The following SRGAP1 variants were observed in gnomAD, a reference collection of about 807,000 sequenced individuals.
The protein encoded by SRGAP1 is SLIT-ROBO Rho GTPase activating protein 1.
SRGAP1 carries 43 observed loss-of-function variants against 121.9 expected under a neutral mutation model. The observed-to-expected ratio is 0.35, with a 90% CI of 0.28 to 0.46. SRGAP1 has a LOEUF of 0.46. Ranked by LOEUF, SRGAP1 falls within the 20% of genes least tolerant of loss-of-function variation. The pLI, the probability that SRGAP1 is intolerant of heterozygous loss-of-function variation, is 1.00. For synonymous variants in SRGAP1, 447 were observed against 485.4 expected, an observed-to-expected ratio of 0.92 and a Z score of 1.04; for missense variants, 1,102 against 1,350.9, an observed-to-expected ratio of 0.82 and a Z score of 2.89.
intron 15 of SRGAP1, among the ~76,000 whole-genome samples, chr12:64,100,978 T>C (rs1212777751): frequency 6.6e-6 from 1 of 152,196 alleles, no homozygotes; most frequent in African/African-American, 2.4e-5. Flanking sequence ...TGTCTAGGGA[T>C]TCAGAGACTT....
At chr12:64,053,116 T>C (rs2035269936) in intron 6 of SRGAP1, among the ~76,000 whole-genome samples, 1 of 152,202 alleles carries the variant, frequency 6.6e-6, no homozygotes, top group Admixed American at 6.6e-5. Context: ...AGAGGAGTAT[T>C]AGAGAGCACC....
chr12:63,873,401 C>G (rs1027005680), intron 1 of SRGAP1, among the ~76,000 whole-genome samples: 3 of 151,634 alleles, frequency 2.0e-5, no homozygotes, highest in South Asian at 4.2e-4. Flanking sequence ...AGTATGGTGG[C>G]GCATGCCTGT....
Position 63,844,843 on chromosome 12 carries a change from G to A in SRGAP1, c.27G>A (p.Lys9=), listed in dbSNP as rs1377587140. 6.2e-7 allele frequency: 1 copy of A among 1,614,196 alleles called. No individual in the cohort carries two copies. Among genetic ancestry groups the A allele is most frequent in the Admixed American group, 1.7e-5 (1 of 60,024 alleles). The part of the protein sequence containing the change: MSTPSRFK[K]DKEIIAEYES... ...TGTCCACCCCGAGCCGATTCAAGAA[G>A]GACAAAGAGATCATAGCCGAGTATG... is the stretch of plus-strand genomic sequence containing the variant. Residue 9 remains lysine (K), a synonymous_variant, in exon 1 of 22, where the codon AAG becomes AAA. Coordinates refer to ENST00000355086, the MANE Select transcript of SRGAP1 (RefSeq NM_020762.4). The surrounding 1 kb of genome is among the most constrained non-coding windows in gnomAD (Gnocchi z 4.3).
At chr12:63,868,432 G>A (rs572460745) in intron 1 of SRGAP1, among the ~76,000 whole-genome samples, 1 of 152,152 alleles carries the variant, frequency 6.6e-6, no homozygotes, top group South Asian at 2.1e-4. Context: ...CTAGAGTGCA[G>A]TGGCATAATC....
At chr12:64,018,077 T>C (rs909907115) in intron 4 of SRGAP1, among the ~76,000 whole-genome samples, 1 of 152,116 alleles carries the variant, frequency 6.6e-6, no homozygotes, top group Non-Finnish European at 1.5e-5. Flanking sequence ...GGATTTTTAT[T>C]GTACAAGATT....
At chr12:63,932,757 T>C (rs1463981017) in intron 1 of SRGAP1, among the ~76,000 whole-genome samples, 1 of 152,198 alleles carries the variant, frequency 6.6e-6, no homozygotes, top group Non-Finnish European at 1.5e-5. Context: ...TGTGCTCTGT[T>C]GAGTATACAA....
chr12:63,979,725 A>G (rs1160161565), intron 1 of SRGAP1, among the ~76,000 whole-genome samples: 1 of 152,064 alleles, frequency 6.6e-6, no homozygotes. Flanking sequence ...AAACTCAATA[A>G]TTGCTTGTTC....
At chr12:64,020,811 C>G (rs1440189271) in intron 4 of SRGAP1, among the ~76,000 whole-genome samples, 1 of 144,406 alleles carries the variant, frequency 6.9e-6, no homozygotes, top group Non-Finnish European at 1.5e-5. Flanking sequence ...CCACTGCACT[C>G]CAGCTTGGGT....
intron 8 of SRGAP1, among the ~76,000 whole-genome samples, chr12:64,072,108 C>CTGTGTGTGTGTGTGTGTGTGTG (rs66959510): frequency 6.2e-5 from 5 of 80,428 alleles, no homozygotes; most frequent in Admixed American, 1.5e-4. Context: ...CAATCTCTCT[C>CTGTGTGTGTGTGTGTGTGTGTG]TGTGTGTGTG....
At chr12:64,084,538 C>T (rs2035905195) in intron 10 of SRGAP1, among the ~76,000 whole-genome samples, 1 of 152,078 alleles carries the variant, frequency 6.6e-6, no homozygotes, top group Non-Finnish European at 1.5e-5. Flanking sequence ...TTGAGACACA[C>T]TCAGGACTAT....
At chr12:63,951,369 G>C (rs1216962243) in intron 1 of SRGAP1, among the ~76,000 whole-genome samples, 1 of 151,884 alleles carries the variant, frequency 6.6e-6, no homozygotes, top group Non-Finnish European at 1.5e-5. Flanking sequence ...TCGCCATGTT[G>C]GCCAGGCTGG....
At chr12:63,910,887 T>G (rs866246944) in intron 1 of SRGAP1, among the ~76,000 whole-genome samples, 1 of 152,088 alleles carries the variant, frequency 6.6e-6, no homozygotes, top group African/African-American at 2.4e-5. Flanking sequence ...GTGGAAGAGA[T>G]CCTCCATTTG....
intron 10 of SRGAP1, among the ~76,000 whole-genome samples, chr12:64,082,818 G>A (rs1208335274): frequency 1.3e-5 from 2 of 152,192 alleles, no homozygotes; most frequent in Non-Finnish European, 2.9e-5. Context: ...GTGCTGACGT[G>A]TATAAAACCT....
At chr12:63,904,478 A>C (rs1297436304) in intron 1 of SRGAP1, among the ~76,000 whole-genome samples, 1 of 152,214 alleles carries the variant, frequency 6.6e-6, no homozygotes, top group Admixed American at 6.5e-5. Flanking sequence ...TGGAAAGCAA[A>C]AGGATTAAAT....
intron 11 of SRGAP1, among the ~76,000 whole-genome samples, chr12:64,091,031 C>A (rs2036041121): frequency 6.6e-6 from 1 of 152,080 alleles, no homozygotes; most frequent in Non-Finnish European, 1.5e-5. Context: ...TAAAACAAAC[C>A]AGCAAACAAA....
rs1342925666 is a variant in SRGAP1 at position 64,150,299 on chromosome 12, A to G, written c.*7627A>G. 6.6e-6 allele frequency: 1 copy of G among 152,204 alleles called. No individual in the cohort carries two copies. The highest frequency in any genetic ancestry group is 1.5e-5 in the Non-Finnish European group (1 of 68,038). 9.4% of individuals were successfully genotyped at this position (152,204 alleles called of 1,614,324 possible). ...TCAGCTCTAGGATATTTGCGATCCA[A>G]TTCTGGCGACTTATGGATGGATCCT... On this transcript the variant is annotated 3_prime_UTR_variant, in exon 22 of 22. Transcript: ENST00000355086.
intron 18 of SRGAP1, among the ~76,000 whole-genome samples, chr12:64,116,522 G>A (rs538400549): frequency 2.6e-5 from 4 of 151,828 alleles, no homozygotes; most frequent in East Asian, 1.9e-4. Flanking sequence ...TATATTTTTC[G>A]TGAGTTTTTT....
intron 15 of SRGAP1, among the ~76,000 whole-genome samples, chr12:64,102,148 G>A (rs2647910): frequency 0.96 from 146,051 of 152,362 alleles, 70,062 homozygotes; most frequent in East Asian, 1. Flanking sequence ...TTAAATCATC[G>A]AATGAGTAGT....
Position 64,054,488 on chromosome 12 carries a change from C to T in SRGAP1, c.802-8429C>T, listed in dbSNP as rs532788818. On this transcript the variant is annotated intron_variant, in intron 6 of 21. Coordinates refer to ENST00000355086, the MANE Select transcript of SRGAP1 (RefSeq NM_020762.4). ...AGTTTTCTTAGTTTGACTTTTCCCC[C>T]ATATAACGGTATTAAGATTTGTCCA... Among the ~76,000 whole-genome samples, 501 of 152,206 alleles carry T rather than the reference C, an allele frequency of 3.3e-3. 3 individuals carry two copies. The highest frequency in any genetic ancestry group is 5.2e-3 in the Non-Finnish European group (351 of 68,004).
Sources: allele counts gnomAD v4.1 joint callset (sites outside exome capture counted in the v4.1 genomes callset), GRCh38; gene constraint gnomAD v4.1.1; non-coding constraint Gnocchi (gnomAD v3.1); transcripts MANE v1.5; gene names NCBI Gene and HGNC (gene_info 2026-07-23, HGNC 2026-07-21).